SCLT1: variants seen among roughly 807,000 people sequenced by gnomAD.
SCLT1 encodes sodium channel-associated protein 1.
Under a neutral mutation model 112.8 loss-of-function variants are expected in SCLT1, and 78 were observed. That is an observed-to-expected ratio of 0.69 (90% CI 0.58 to 0.83). The LOEUF is 0.83. Among genes scored for constraint, SCLT1 ranks in the 40% least tolerant of loss-of-function variants. The pLI is 0.00. For synonymous variants in SCLT1, 257 were observed against 254.7 expected (o/e 1.01, Z -0.09); for missense variants, 747 against 770.4 (o/e 0.97, Z 0.36).
chr4:129,068,144 C>A (rs1279260974), intron 2 of SCLT1, among the ~76,000 whole-genome samples: 1 of 152,148 alleles, frequency 6.6e-6, no homozygotes, highest in Non-Finnish European at 1.5e-5. Context: ...CCAATCTCAT[C>A]CAGGTTGCTG....
intron 11 of SCLT1, among the ~76,000 whole-genome samples, chr4:128,961,352 C>T (rs958506551): frequency 6.6e-6 from 1 of 151,926 alleles, no homozygotes; most frequent in African/African-American, 2.4e-5. Flanking sequence ...CTATTATCAC[C>T]CCCAAAATAT....
intron 2 of SCLT1, among the ~76,000 whole-genome samples, chr4:129,052,224 T>A (rs541716419): frequency 5.3e-5 from 8 of 152,302 alleles, no homozygotes; most frequent in Admixed American, 2.0e-4. Flanking sequence ...GGTATCAGAA[T>A]GATGTTGGCC....
At chr4:129,018,798 G>A (rs895382476) in intron 5 of SCLT1, among the ~76,000 whole-genome samples, 3 of 151,972 alleles carry the variant, frequency 2.0e-5, no homozygotes, top group African/African-American at 7.3e-5. Context: ...TCAATCAACA[G>A]ACCAACTACT....
At chr4:129,019,401 T>C (rs542397787) in intron 5 of SCLT1, among the ~76,000 whole-genome samples, 2 of 152,180 alleles carry the variant, frequency 1.3e-5, no homozygotes, top group Non-Finnish European at 2.9e-5. Flanking sequence ...AAAGAAAAAT[T>C]GCTGCCTATT....
chr4:128,997,161 A>G (rs568532524), intron 8 of SCLT1: 29 of 152,056 alleles, frequency 1.9e-4, no homozygotes, highest in African/African-American at 7.0e-4. Context: ...TTACATGGTT[A>G]AAAAAGAAAA....
intron 2 of SCLT1, among the ~76,000 whole-genome samples, chr4:129,049,627 A>AT (rs545267711): frequency 1.5e-4 from 11 of 71,642 alleles, no homozygotes; most frequent in South Asian, 5.3e-4. Flanking sequence ...CTTAAAGTAT[A>AT]AAAAAAAAAA....
At chr4:128,989,875 C>T (rs1043161524) in intron 9 of SCLT1, among the ~76,000 whole-genome samples, 1 of 151,738 alleles carries the variant, frequency 6.6e-6, no homozygotes, top group Non-Finnish European at 1.5e-5. Flanking sequence ...TTCCTAGAAA[C>T]ATCCAACCTA....
chr4:128,883,157 C>CAAAAA (rs34993678), downstream of SCLT1, among the ~76,000 whole-genome samples: 142 of 57,658 alleles, frequency 2.5e-3, no homozygotes, highest in African/African-American at 6.5e-3. Flanking sequence ...ACAACAACAA[C>CAAAAA]AAAAAAAAAA....
At chr4:129,037,233 A>G (rs1393818710) in intron 5 of SCLT1, 1 of 152,098 alleles carries the variant, frequency 6.6e-6, no homozygotes, top group Non-Finnish European at 1.5e-5. Context: ...CCTATTATCT[A>G]ATGTGTTGTA....
Position 129,047,669 on chromosome 4 carries a change from TAA to T in SCLT1, c.103-3620_103-3619del, listed in dbSNP as rs577762717. On this transcript the variant is annotated intron_variant, in intron 2 of 20. Coordinates refer to ENST00000281142, the MANE Select transcript of SCLT1 (RefSeq NM_144643.4). ...CATCCATTATTGCCTGTCTTTAGGA[TAA>T]AAGTCATTAAAACAGGGGTGATATG... Among the ~76,000 whole-genome samples the T allele has an allele frequency of 3.3e-5, 5 of 152,254 alleles. No individual in the cohort carries two copies. The South Asian group carries it at 1.0e-3, about 32-fold the overall frequency.
At chr4:128,961,832 C>T (rs963906582) in intron 11 of SCLT1, among the ~76,000 whole-genome samples, 1 of 152,212 alleles carries the variant, frequency 6.6e-6, no homozygotes. Context: ...ACAACAGGCT[C>T]ATATGAGGGC....
downstream of SCLT1, among the ~76,000 whole-genome samples, chr4:128,880,038 T>C (rs544150179): frequency 1.4e-4 from 22 of 152,324 alleles, no homozygotes; most frequent in East Asian, 4.0e-3. Flanking sequence ...GGATGCCACA[T>C]GGATTTACTA....
At chr4:129,081,684 C>T (rs933804098) in intron 2 of SCLT1, among the ~76,000 whole-genome samples, 1 of 152,180 alleles carries the variant, frequency 6.6e-6, no homozygotes, top group African/African-American at 2.4e-5. Flanking sequence ...CCCCCTCCTC[C>T]AACACTGGAG....
At chr4:128,978,027 G>A (rs1384535783) in intron 9 of SCLT1, among the ~76,000 whole-genome samples, 1 of 152,164 alleles carries the variant, frequency 6.6e-6, no homozygotes, top group Non-Finnish European at 1.5e-5. Flanking sequence ...ACGAGCAGAT[G>A]TAGAGATGAA....
intron 5 of SCLT1, among the ~76,000 whole-genome samples, chr4:129,019,778 C>T (rs1216945604): frequency 1.3e-5 from 2 of 152,106 alleles, no homozygotes; most frequent in African/African-American, 2.4e-5. Context: ...CACACCACTG[C>T]CACAGTGCAG....
At chr4:128,960,716 C>G (rs1359822632) in intron 11 of SCLT1, among the ~76,000 whole-genome samples, 1 of 150,770 alleles carries the variant, frequency 6.6e-6, no homozygotes, top group Non-Finnish European at 1.5e-5. Flanking sequence ...GTCAGGAGAT[C>G]GAGACCATCC....
chr4:129,061,857 T>C (rs1326022621), intron 2 of SCLT1, among the ~76,000 whole-genome samples: 2 of 152,154 alleles, frequency 1.3e-5, no homozygotes, highest in Non-Finnish European at 2.9e-5. Flanking sequence ...GCAATTTCAA[T>C]TCCACAGTGC....
chr4:128,955,813 A>G (rs1739171095), intron 13 of SCLT1, among the ~76,000 whole-genome samples: 1 of 152,148 alleles, frequency 6.6e-6, no homozygotes, highest in Non-Finnish European at 1.5e-5. Flanking sequence ...AATAATTTTA[A>G]AAGTTTACTT....
At chr4:129,048,791 C>T (rs1748451308) in intron 2 of SCLT1, among the ~76,000 whole-genome samples, 1 of 151,638 alleles carries the variant, frequency 6.6e-6, no homozygotes, top group African/African-American at 2.4e-5. Flanking sequence ...AAGAAAAAAA[C>T]AAATAACCCC....
Sources: allele counts gnomAD v4.1 joint callset (sites outside exome capture counted in the v4.1 genomes callset), GRCh38; gene constraint gnomAD v4.1.1; transcripts MANE v1.5; gene names NCBI Gene and HGNC (gene_info 2026-07-23, HGNC 2026-07-21).